The following TTC28 variants were observed in gnomAD, a reference collection of about 807,000 sequenced individuals.
The protein encoded by TTC28 is tetratricopeptide repeat protein 28.
Under a neutral mutation model 198.0 loss-of-function variants are expected in TTC28, and 61 were observed. The observed-to-expected ratio is 0.31, with a 90% CI of 0.25 to 0.38. The LOEUF (loss-of-function observed/expected upper bound fraction) is 0.38, where lower values mean the gene tolerates loss of function less well. Among genes scored for constraint, TTC28 ranks in the 10% least tolerant of loss-of-function variants. The pLI is 1.00. For missense variants in TTC28, 2,678 were observed against 3,164.0 expected (o/e 0.85, Z 3.69); for synonymous variants, 1,171 against 1,297.8 (o/e 0.90, Z 2.10).
chr22:28,601,339 T>C (rs2050635570), intron 2 of TTC28, among the ~76,000 whole-genome samples: 1 of 152,154 alleles, frequency 6.6e-6, no homozygotes, highest in South Asian at 2.1e-4. Flanking sequence ...CTGAGAAGAT[T>C]ACATACAGTA....
intron 12 of TTC28, among the ~76,000 whole-genome samples, chr22:28,074,977 G>A (rs1941121065): frequency 6.6e-6 from 1 of 152,110 alleles, no homozygotes; most frequent in Admixed American, 6.6e-5. Context: ...GTGCACGTCT[G>A]TAATCCCAGC....
chr22:28,417,682 G>A (rs2047188849), intron 2 of TTC28, among the ~76,000 whole-genome samples: 1 of 152,156 alleles, frequency 6.6e-6, no homozygotes, highest in African/African-American at 2.4e-5. Flanking sequence ...ACATTAGTAA[G>A]TTACAATACC....
chr22:28,612,637 C>T (rs1427827154), intron 2 of TTC28, among the ~76,000 whole-genome samples: 2 of 152,168 alleles, frequency 1.3e-5, no homozygotes, highest in Admixed American at 6.6e-5. Flanking sequence ...AACAGTCTCT[C>T]GGCCCATAGT....
chr22:28,087,722 G>A (rs1429443289), intron 12 of TTC28, among the ~76,000 whole-genome samples: 1 of 152,112 alleles, frequency 6.6e-6, no homozygotes, highest in Non-Finnish European at 1.5e-5. Flanking sequence ...AAGTCAAATC[G>A]TCCCTGTTTG....
chr22:28,584,553 T>C (rs2050283602), intron 2 of TTC28, among the ~76,000 whole-genome samples: 1 of 152,244 alleles, frequency 6.6e-6, no homozygotes, highest in African/African-American at 2.4e-5. Context: ...ATTAGTCACA[T>C]GTGGCTATTG....
chr22:28,480,230 A>G (rs1233017863), intron 2 of TTC28, among the ~76,000 whole-genome samples: 1 of 152,152 alleles, frequency 6.6e-6, no homozygotes, highest in Non-Finnish European at 1.5e-5. Context: ...AGTTGGGGAA[A>G]TTTTTGCAAA....
intron 2 of TTC28, among the ~76,000 whole-genome samples, chr22:28,494,626 C>T (rs1281476057): frequency 6.6e-6 from 1 of 152,152 alleles, no homozygotes; most frequent in Non-Finnish European, 1.5e-5. Context: ...TTGTGAAGCC[C>T]TGTACTGATT....
intron 2 of TTC28, among the ~76,000 whole-genome samples, chr22:28,374,621 A>G (rs1391180369): frequency 6.6e-6 from 1 of 152,260 alleles, no homozygotes; most frequent in Non-Finnish European, 1.5e-5. Flanking sequence ...CTGTTTCCTC[A>G]TTGGAAAATA....
rs1383871064 is a variant in TTC28, at chr22:28,230,723, T to C, written c.933+65475A>G. Among the ~76,000 whole-genome samples, 3 of 152,190 alleles carry C rather than the reference T, an allele frequency of 2.0e-5. No individual in the cohort carries two copies. The East Asian group carries it at 5.8e-4, about 29-fold the overall frequency. ...GTAGCAGCTGGGAAGGGTCTGAACA[T>C]TAAGTCAAGTGTGAGTTGAACCAAA... On this transcript the variant is annotated intron_variant, in intron 5 of 22. Coordinates refer to ENST00000397906, the MANE Select transcript of TTC28 (RefSeq NM_001145418.2).
At chr22:28,171,326 A>C (rs1922652377) in intron 5 of TTC28, among the ~76,000 whole-genome samples, 1 of 151,970 alleles carries the variant, frequency 6.6e-6, no homozygotes, top group Non-Finnish European at 1.5e-5. Context: ...GTTCCCTCTT[A>C]GTAAGTGAGC....
intron 5 of TTC28, among the ~76,000 whole-genome samples, chr22:28,218,227 C>T (rs1311259197): frequency 6.6e-6 from 1 of 152,176 alleles, no homozygotes; most frequent in African/African-American, 2.4e-5. Flanking sequence ...TTTGCCCACT[C>T]ATAATTTTAT....
At chr22:28,382,941 G>A (rs746194753) in intron 2 of TTC28, among the ~76,000 whole-genome samples, 1 of 152,082 alleles carries the variant, frequency 6.6e-6, no homozygotes, top group Non-Finnish European at 1.5e-5. Flanking sequence ...CTCTAAACAA[G>A]ATCACAAATG....
At chr22:28,524,601 AC>A (rs1267383495) in intron 2 of TTC28, among the ~76,000 whole-genome samples, 1 of 152,064 alleles carries the variant, frequency 6.6e-6, no homozygotes, top group Non-Finnish European at 1.5e-5. Context: ...AATGGTGAAA[AC>A]CTGTCTCTAC....
intron 13 of TTC28, among the ~76,000 whole-genome samples, chr22:28,022,243 C>G (rs1210310559): frequency 2.6e-5 from 4 of 152,194 alleles, no homozygotes; most frequent in Admixed American, 6.5e-5. Context: ...AGACACTGCA[C>G]AGAGCACCAG....
intron 2 of TTC28, among the ~76,000 whole-genome samples, chr22:28,429,220 G>C (rs947426275): frequency 6.6e-6 from 1 of 152,098 alleles, no homozygotes; most frequent in African/African-American, 2.4e-5. Context: ...AACAGCTCTC[G>C]AGTCACTTGC....
At chr22:28,235,040 T>C (rs1929129502) in intron 5 of TTC28, among the ~76,000 whole-genome samples, 1 of 152,180 alleles carries the variant, frequency 6.6e-6, no homozygotes. Context: ...AAGGAAAGAC[T>C]GAGATGTTTA....
intron 2 of TTC28, among the ~76,000 whole-genome samples, chr22:28,534,662 C>G (rs904516960): frequency 6.6e-6 from 1 of 152,134 alleles, no homozygotes; most frequent in Admixed American, 6.6e-5. Flanking sequence ...TGGAACCAAC[C>G]CAAATGTCCA....
At chr22:28,367,412 T>C (rs114958627) in intron 2 of TTC28, among the ~76,000 whole-genome samples, 2,458 of 151,890 alleles carry the variant, frequency 0.016, 88 homozygotes, top group African/African-American at 0.057. Flanking sequence ...ACATAACATA[T>C]CAAAACTTAC....
chr22:28,034,671 G>A (rs928575749), intron 12 of TTC28, among the ~76,000 whole-genome samples: 1 of 152,206 alleles, frequency 6.6e-6, no homozygotes, highest in Middle Eastern at 3.2e-3. Context: ...TTACGGTCAT[G>A]AAGAACAGTG....
Sources: gnomAD v4.1 joint callset for allele counts (sites outside exome capture counted in the v4.1 genomes callset) on GRCh38, gnomAD v4.1.1 for gene constraint, MANE v1.5 for transcripts, NCBI Gene and HGNC (gene_info 2026-07-23, HGNC 2026-07-21) for gene names.